The following EXOC4 variants were observed in gnomAD, a reference collection of about 807,000 sequenced individuals.
The protein encoded by EXOC4 is exocyst complex component 4, also known as SEC8-like 1.
A neutral mutation model predicts 107.2 loss-of-function variants in EXOC4; 71 were observed. The ratio of observed to expected loss-of-function variants is 0.66; its 90% CI spans 0.55 to 0.81. The LOEUF (loss-of-function observed/expected upper bound fraction) is 0.81, where lower values mean the gene tolerates loss of function less well. Among genes scored for constraint, EXOC4 ranks in the 30% least tolerant of loss-of-function variants. EXOC4 has a pLI of 0.00. For synonymous variants in EXOC4, 456 were observed against 441.2 expected, an observed-to-expected ratio of 1.03 and a Z score of -0.42; for missense variants, 1,108 against 1,189.6, an observed-to-expected ratio of 0.93 and a Z score of 1.01.
At chr7:133,330,298 A>G (rs555394676) in intron 5 of EXOC4, among the ~76,000 whole-genome samples, 1 of 152,098 alleles carries the variant, frequency 6.6e-6, no homozygotes, top group Admixed American at 6.5e-5. Flanking sequence ...TCCCAGGTCA[A>G]TCTCAGACTG....
chr7:133,391,643 A>G (rs1161531088), intron 7 of EXOC4, among the ~76,000 whole-genome samples: 2 of 152,228 alleles, frequency 1.3e-5, no homozygotes, highest in East Asian at 3.8e-4. Flanking sequence ...TTTCAGAGAT[A>G]GGATGATGTT....
intron 11 of EXOC4, among the ~76,000 whole-genome samples, chr7:133,869,750 A>T (rs995706870): frequency 6.6e-6 from 1 of 152,216 alleles, no homozygotes; most frequent in Admixed American, 6.5e-5. Context: ...GGGAACAGAA[A>T]CACAGTGTTC....
At chr7:133,364,597 T>C (rs536502895) in intron 6 of EXOC4, among the ~76,000 whole-genome samples, 2 of 152,280 alleles carry the variant, frequency 1.3e-5, no homozygotes, top group East Asian at 3.9e-4. Flanking sequence ...GAAGCAGTGG[T>C]TATTAAATTG....
chr7:133,693,466 A>T (rs1400047032), intron 10 of EXOC4, among the ~76,000 whole-genome samples: 1 of 152,004 alleles, frequency 6.6e-6, no homozygotes, highest in Non-Finnish European at 1.5e-5. Flanking sequence ...TCAAATGTTA[A>T]TCTCCTTTGG....
At chr7:133,999,632 A>G (rs980300729) in intron 15 of EXOC4, among the ~76,000 whole-genome samples, 1 of 152,232 alleles carries the variant, frequency 6.6e-6, no homozygotes, top group African/African-American at 2.4e-5. Flanking sequence ...GAAATGAAAA[A>G]TACCAAGTAA....
intron 9 of EXOC4, chr7:133,484,337 A>T (rs1003336156): frequency 1.9e-6 from 1 of 518,416 alleles, no homozygotes. Context: ...TACCAGGTGG[A>T]GATCTAACTT....
At chr7:133,814,962 TCTC>T (rs1188938570) in intron 10 of EXOC4, among the ~76,000 whole-genome samples, 4 of 152,200 alleles carry the variant, frequency 2.6e-5, no homozygotes, top group Admixed American at 6.5e-5. Context: ...TTGATATTCT[TCTC>T]CTCTTTTTTG....
chr7:133,817,123 T>C (rs889634855), intron 10 of EXOC4, among the ~76,000 whole-genome samples: 7 of 152,204 alleles, frequency 4.6e-5, no homozygotes, highest in African/African-American at 1.7e-4. Flanking sequence ...AGAAGTCATG[T>C]TTTCTGTTTC....
intron 7 of EXOC4, among the ~76,000 whole-genome samples, chr7:133,475,126 C>T (rs1798980163): frequency 6.6e-6 from 1 of 152,170 alleles, no homozygotes; most frequent in South Asian, 2.1e-4. Context: ...CCCGCCTCTT[C>T]CCCATGAATA....
the EXOC4 span, among the ~76,000 whole-genome samples, chr7:134,099,522 CTTTTTTTT>C: frequency 1.9e-5 from 2 of 103,934 alleles, no homozygotes; most frequent in Admixed American, 1.0e-4. Context: ...CATCACACTT[CTTTTTTTT>C]TTTTTTTTTT....
intron 10 of EXOC4, among the ~76,000 whole-genome samples, chr7:133,749,371 C>T (rs1382583004): frequency 6.6e-6 from 1 of 152,082 alleles, no homozygotes; most frequent in Non-Finnish European, 1.5e-5. Context: ...GAATGAAGAA[C>T]TCTAAAAATG....
At chr7:133,590,753 C>T (rs909155062) in intron 9 of EXOC4, among the ~76,000 whole-genome samples, 6 of 152,164 alleles carry the variant, frequency 3.9e-5, no homozygotes, top group Non-Finnish European at 7.3e-5. Flanking sequence ...GAGCCACTTT[C>T]GTCAGTAATA....
At chr7:133,536,031 C>G (rs1800263647) in intron 9 of EXOC4, among the ~76,000 whole-genome samples, 1 of 152,168 alleles carries the variant, frequency 6.6e-6, no homozygotes, top group South Asian at 2.1e-4. Flanking sequence ...TTTGAGGCAG[C>G]AGCATCAGGT....
At chr7:133,377,725 G>A (rs1199192744) in intron 7 of EXOC4, among the ~76,000 whole-genome samples, 3 of 151,974 alleles carry the variant, frequency 2.0e-5, no homozygotes, top group Non-Finnish European at 2.9e-5. Context: ...CAACACATAC[G>A]CACATTATGA....
intron 10 of EXOC4, among the ~76,000 whole-genome samples, chr7:133,691,942 A>G (rs2151077994): frequency 6.6e-6 from 1 of 152,290 alleles, no homozygotes; most frequent in Non-Finnish European, 1.5e-5. Flanking sequence ...TGTGTACGTC[A>G]TAATCTCATG....
chr7:133,466,923 T>C (rs534795140), intron 7 of EXOC4, among the ~76,000 whole-genome samples: 5 of 152,256 alleles, frequency 3.3e-5, no homozygotes, highest in African/African-American at 1.2e-4. Flanking sequence ...CCATTGATTA[T>C]TTATCAAAAA....
chr7:133,554,066 T>G (rs1013176867), intron 9 of EXOC4, among the ~76,000 whole-genome samples: 2 of 152,280 alleles, frequency 1.3e-5, no homozygotes, highest in South Asian at 4.1e-4. Context: ...AGTTTTTACA[T>G]TGAAAAACCT....
chr7:134,051,365 A>G (rs1393055090), intron 17 of EXOC4, among the ~76,000 whole-genome samples: 2 of 152,196 alleles, frequency 1.3e-5, no homozygotes, highest in Admixed American at 1.3e-4. Context: ...AGCTGGGAGA[A>G]GTGCCTTAAA....
At chr7:134,083,369 T>C in the EXOC4 span, among the ~76,000 whole-genome samples, 1 of 152,292 alleles carries the variant, frequency 6.6e-6, no homozygotes, top group East Asian at 1.9e-4. Context: ...GGCAACTGGC[T>C]CCCTGTTCTG....
Sources: allele counts gnomAD v4.1 joint callset (sites outside exome capture counted in the v4.1 genomes callset), GRCh38; gene constraint gnomAD v4.1.1; transcripts MANE v1.5; gene names NCBI Gene and HGNC (gene_info 2026-07-23, HGNC 2026-07-21).